Variants in TAFA1 observed in about 807,000 individuals in gnomAD.
The protein encoded by TAFA1 is TAFA chemokine like family member 1, also known as chemokine-like protein TAFA-1.
TAFA1 carries 4 observed loss-of-function variants against 18.5 expected under a neutral mutation model. The ratio of observed to expected loss-of-function variants is 0.22; its 90% CI spans 0.11 to 0.49. TAFA1 has a LOEUF of 0.49. TAFA1 is among the 20% of genes least tolerant of loss of function. The probability of loss-of-function intolerance (pLI) is 0.98; values close to 1 mark genes in which losing one functional copy is unlikely to be tolerated. For synonymous variants in TAFA1, 56 were observed against 55.2 expected (o/e 1.01, Z -0.06); for missense variants, 147 against 169.0 (o/e 0.87, Z 0.72).
At chr3:68,210,886 ATGT>A (rs2066588195) in intron 2 of TAFA1, among the ~76,000 whole-genome samples, 1 of 151,958 alleles carries the variant, frequency 6.6e-6, no homozygotes, top group Non-Finnish European at 1.5e-5. Flanking sequence ...TTGTCTCATG[ATGT>A]TGTAATTCAA....
chr3:68,003,050 T>C (rs1704301800), upstream of TAFA1, among the ~76,000 whole-genome samples: 1 of 152,232 alleles, frequency 6.6e-6, no homozygotes, highest in Non-Finnish European at 1.5e-5. Context: ...ATGTGAAACA[T>C]GCAACACCAA....
chr3:68,358,967 G>A (rs262239), intron 2 of TAFA1, among the ~76,000 whole-genome samples: 73,529 of 151,466 alleles, frequency 0.49, 18,274 homozygotes, highest in East Asian at 0.73. Flanking sequence ...ATCATCTTCT[G>A]TCAAGGCTAT....
At chr3:68,025,190 G>C (rs1704788400) in intron 2 of TAFA1, among the ~76,000 whole-genome samples, 1 of 152,060 alleles carries the variant, frequency 6.6e-6, no homozygotes, top group Admixed American at 6.6e-5. Context: ...ACTGTCTTCA[G>C]ATTTTACATT....
At chr3:68,336,071 A>T (rs1575786365) in intron 2 of TAFA1, among the ~76,000 whole-genome samples, 1 of 152,226 alleles carries the variant, frequency 6.6e-6, no homozygotes, top group Admixed American at 6.5e-5. Flanking sequence ...CACTTTTGCC[A>T]GCTGTGTGGT....
chr3:68,214,286 G>A (rs998646939), intron 2 of TAFA1, among the ~76,000 whole-genome samples: 7 of 152,058 alleles, frequency 4.6e-5, no homozygotes, highest in African/African-American at 1.7e-4. Context: ...TTGAAACAAT[G>A]TTATTTCCTT....
At position 68,328,403 on chromosome 3, in the gene TAFA1, A is replaced by G. The variant is rs565305746; in HGVS notation, c.119-88877A>G. On this transcript the variant is annotated intron_variant, in intron 2 of 4. Transcript: ENST00000478136. ...TCTCTTCTTCTTGATGATCCTATTT[A>G]GTTTCAGATTTGTGTTTGGGGAAAG... is the stretch of plus-strand genomic sequence containing the variant. Among the ~76,000 whole-genome samples, 3 of 152,228 alleles carry G rather than the reference A, an allele frequency of 2.0e-5. No individual in the cohort carries two copies. In the East Asian group the frequency reaches 5.8e-4, roughly 29 times the overall value.
At chr3:68,109,961 T>C (rs780038858) in intron 2 of TAFA1, among the ~76,000 whole-genome samples, 19 of 152,184 alleles carry the variant, frequency 1.2e-4, no homozygotes, top group Non-Finnish European at 2.4e-4. Flanking sequence ...TTTAGTTTTA[T>C]TATTTTTTCT....
chr3:68,260,664 T>C (rs961388333), intron 2 of TAFA1, among the ~76,000 whole-genome samples: 4 of 152,040 alleles, frequency 2.6e-5, no homozygotes, highest in Non-Finnish European at 4.4e-5. Context: ...AAACAAGAAA[T>C]AGGGAAAGGA....
At position 68,338,156 on chromosome 3, in the gene TAFA1, G is replaced by A. The variant is rs377333341; in HGVS notation, c.119-79124G>A. Among the ~76,000 whole-genome samples, 81 of 152,298 alleles carry A rather than the reference G, an allele frequency of 5.3e-4. No individual in the cohort carries two copies. The East Asian group carries it at 0.012, about 22-fold the overall frequency. On this transcript the variant is annotated intron_variant, in intron 2 of 4. Coordinates refer to ENST00000478136, the MANE Select transcript of TAFA1 (RefSeq NM_213609.4). ...TCATGCCTGTTGTTAACAACACTTG[G>A]ATGAGGCCATGCTTTAATTTTTACT...
intron 2 of TAFA1, among the ~76,000 whole-genome samples, chr3:68,264,496 A>C (rs1375185943): frequency 6.6e-6 from 1 of 152,180 alleles, no homozygotes; most frequent in Non-Finnish European, 1.5e-5. Context: ...TGTGAAAACT[A>C]CACCAGTTAA....
chr3:68,396,533 T>C (rs78675189), intron 2 of TAFA1, among the ~76,000 whole-genome samples: 2,254 of 152,322 alleles, frequency 0.015, 56 homozygotes, highest in South Asian at 0.049. Flanking sequence ...TTGACTGTGT[T>C]GCATGTAGCA....
At chr3:68,128,460 A>G (rs1484805458) in intron 2 of TAFA1, among the ~76,000 whole-genome samples, 1 of 152,236 alleles carries the variant, frequency 6.6e-6, no homozygotes, top group Non-Finnish European at 1.5e-5. Flanking sequence ...GGGACTATGA[A>G]CAAGCTGATG....
chr3:68,442,316 A>T (rs939861549), intron 3 of TAFA1, among the ~76,000 whole-genome samples: 21 of 152,088 alleles, frequency 1.4e-4, no homozygotes, highest in African/African-American at 5.1e-4. Flanking sequence ...AAAGGGTATT[A>T]CATGTCAAAG....
chr3:68,414,167 C>A (rs2070768623), intron 2 of TAFA1, among the ~76,000 whole-genome samples: 1 of 152,094 alleles, frequency 6.6e-6, no homozygotes, highest in South Asian at 2.1e-4. Flanking sequence ...ATTAGCTGGG[C>A]ATGGTGGTGC....
At chr3:68,085,705 G>A (rs541773987) in intron 2 of TAFA1, among the ~76,000 whole-genome samples, 1 of 152,230 alleles carries the variant, frequency 6.6e-6, no homozygotes, top group African/African-American at 2.4e-5. Context: ...AATAATCCAA[G>A]TTCCTGTCAC....
intron 2 of TAFA1, among the ~76,000 whole-genome samples, chr3:68,139,055 C>T (rs1255108552): frequency 1.3e-5 from 2 of 152,012 alleles, no homozygotes; most frequent in East Asian, 3.9e-4. Context: ...TTGTTTTTGT[C>T]CTATATTTTA....
chr3:68,385,502 G>T (rs966436426), intron 2 of TAFA1, among the ~76,000 whole-genome samples: 4 of 152,008 alleles, frequency 2.6e-5, no homozygotes, highest in African/African-American at 9.7e-5. Context: ...TAAAGTCTCT[G>T]GGCCTGTTTT....
intron 2 of TAFA1, among the ~76,000 whole-genome samples, chr3:68,265,509 G>A (rs2067524675): frequency 6.6e-6 from 1 of 152,138 alleles, no homozygotes; most frequent in African/African-American, 2.4e-5. Context: ...CATTCCTGGT[G>A]GGAATTTCTA....
At chr3:68,045,109 G>A (rs191076091) in intron 2 of TAFA1, among the ~76,000 whole-genome samples, 1 of 152,114 alleles carries the variant, frequency 6.6e-6, no homozygotes, top group East Asian at 1.9e-4. Flanking sequence ...TGAGTCGTGG[G>A]GCCAGTTAGC....
Sources: allele counts gnomAD v4.1 joint callset (sites outside exome capture counted in the v4.1 genomes callset), GRCh38; gene constraint gnomAD v4.1.1; transcripts MANE v1.5; gene names NCBI Gene and HGNC (gene_info 2026-07-23, HGNC 2026-07-21).